The following CSMD3 variants were observed in gnomAD, a reference collection of about 807,000 sequenced individuals.
The protein encoded by CSMD3 is CUB and sushi domain-containing protein 3.
CSMD3 carries 177 observed loss-of-function variants against 435.2 expected under a neutral mutation model. The observed-to-expected ratio is 0.41, with a 90% CI of 0.36 to 0.46. The LOEUF (loss-of-function observed/expected upper bound fraction) is 0.46, where lower values mean the gene tolerates loss of function less well. CSMD3 is among the 20% of genes least tolerant of loss of function. The pLI is 0.34. For missense variants in CSMD3, 4,265 were observed against 4,504.6 expected, an observed-to-expected ratio of 0.95 and a Z score of 1.52; for synonymous variants, 1,656 against 1,520.5, an observed-to-expected ratio of 1.09 and a Z score of -2.07.
chr8:112,727,015 T>G (rs1016370782), intron 13 of CSMD3, among the ~76,000 whole-genome samples: 1 of 151,816 alleles, frequency 6.6e-6, no homozygotes, highest in Admixed American at 6.6e-5. Flanking sequence ...TGACTATGCT[T>G]CTTAAATTTA....
intron 4 of CSMD3, among the ~76,000 whole-genome samples, chr8:113,168,353 T>C (rs1231579824): frequency 1.3e-5 from 2 of 151,518 alleles, no homozygotes. Flanking sequence ...AAACCCTGTC[T>C]CTACTGAAAA....
chr8:112,770,486 C>A (rs1055455459), intron 13 of CSMD3, among the ~76,000 whole-genome samples: 1 of 151,818 alleles, frequency 6.6e-6, no homozygotes, highest in African/African-American at 2.4e-5. Flanking sequence ...AAATACATTT[C>A]TTTTTTTTAA....
intron 4 of CSMD3, among the ~76,000 whole-genome samples, chr8:113,141,646 A>T (rs185642385): frequency 3.4e-4 from 52 of 151,128 alleles, no homozygotes; most frequent in Non-Finnish European, 5.1e-4. Flanking sequence ...TTCATGATTT[A>T]AAAAAACTCA....
chr8:113,117,627 G>C (rs565133787), intron 4 of CSMD3, among the ~76,000 whole-genome samples: 2 of 152,302 alleles, frequency 1.3e-5, no homozygotes, highest in Admixed American at 1.3e-4. Context: ...AGCTTGCACT[G>C]TTCACCTGGA....
chr8:112,732,712 A>AAAAG (rs2077101857), intron 13 of CSMD3, among the ~76,000 whole-genome samples: 1 of 151,628 alleles, frequency 6.6e-6, no homozygotes, highest in East Asian at 1.9e-4. Flanking sequence ...AAAAAAAAAA[A>AAAAG]AAAAGAAAAA....
At chr8:112,732,361 C>T (rs148727899) in intron 13 of CSMD3, among the ~76,000 whole-genome samples, 20 of 152,164 alleles carry the variant, frequency 1.3e-4, no homozygotes, top group African/African-American at 4.8e-4. Context: ...TTAGTGTTCA[C>T]TAACTGATAG....
intron 1 of CSMD3, among the ~76,000 whole-genome samples, chr8:113,428,646 A>G (rs780630898): frequency 2.0e-5 from 3 of 151,894 alleles, no homozygotes; most frequent in Admixed American, 6.6e-5. Flanking sequence ...ATAAAGCATC[A>G]CACATGAAAA....
chr8:113,069,392 T>A (rs1038147354), intron 5 of CSMD3, among the ~76,000 whole-genome samples: 3 of 152,154 alleles, frequency 2.0e-5, no homozygotes, highest in Non-Finnish European at 4.4e-5. Context: ...GTCTGATTAG[T>A]GTTATAGTTA....
chr8:112,465,010 G>C (rs1040062499), intron 32 of CSMD3, among the ~76,000 whole-genome samples: 1 of 152,158 alleles, frequency 6.6e-6, no homozygotes, highest in African/African-American at 2.4e-5. Context: ...CAATAGGCTT[G>C]ACAAATTAGG....
At chr8:112,341,108 A>G (rs144307717) in intron 42 of CSMD3, among the ~76,000 whole-genome samples, 2 of 152,226 alleles carry the variant, frequency 1.3e-5, no homozygotes, top group African/African-American at 4.8e-5. Context: ...ATAATACAAC[A>G]CATGAATAAT....
chr8:113,172,453 G>C (rs184659009), intron 4 of CSMD3, among the ~76,000 whole-genome samples: 64 of 152,286 alleles, frequency 4.2e-4, no homozygotes, highest in Admixed American at 7.9e-4. Flanking sequence ...AGTAGTTGAA[G>C]CATACGCAGC....
intron 6 of CSMD3, among the ~76,000 whole-genome samples, chr8:113,018,262 T>C (rs4876502): frequency 0.6 from 90,662 of 151,692 alleles, 28,543 homozygotes; most frequent in East Asian, 0.95. Flanking sequence ...CAATATATGA[T>C]TTAATGCCAT....
At chr8:112,300,638 T>C (rs1820828435) in intron 53 of CSMD3, among the ~76,000 whole-genome samples, 1 of 152,040 alleles carries the variant, frequency 6.6e-6, no homozygotes, top group African/African-American at 2.4e-5. Flanking sequence ...ACTCCATCCC[T>C]AGCCAGAGCC....
intron 6 of CSMD3, among the ~76,000 whole-genome samples, chr8:113,005,466 C>A (rs554194210): frequency 6.6e-6 from 1 of 151,724 alleles, no homozygotes; most frequent in Non-Finnish European, 1.5e-5. Context: ...AACATTAGTT[C>A]TCATAATTAT....
chr8:112,492,400 T>G lies in CSMD3; in HGVS notation c.5278+89A>C. On this transcript the variant is annotated intron_variant, in intron 31 of 70. Coordinates refer to ENST00000297405, the MANE Select transcript of CSMD3 (RefSeq NM_198123.2). ...CGACACTTGTAGATTGTATGTGGAA[T>G]AGTTGATGTTCTGAAACACAGAAAT... 4 of 953,390 alleles carry G rather than the reference T, an allele frequency of 4.2e-6. No individual in the cohort carries two copies. The South Asian group carries it at 5.3e-5, about 13-fold the overall frequency. The allele number at this position is 953,390 out of a possible 1,614,324, so 59.1% of individuals were successfully genotyped here.
rs920503217 is a variant in CSMD3 at position 112,337,855 on chromosome 8, A to T, written c.6653-124T>A. On this transcript the variant is annotated intron_variant, in intron 42 of 70. Transcript: ENST00000297405. The stretch of plus-strand genomic sequence containing the variant: ...CTACTTGCAGTTGATTATAAATAGC[A>T]ATTCAGGTTTATGATAAATGCTGTC... 2.0e-5 allele frequency: 13 copies of T among 647,948 alleles called. No homozygotes were observed. In the African/African-American group the frequency reaches 2.2e-4, roughly 11 times the overall value. 40.1% of individuals were successfully genotyped at this position (647,948 alleles called of 1,614,324 possible). A position where few individuals can be genotyped will look rare whatever the true frequency, so the allele number is the denominator to read the frequency against.
At chr8:112,338,101 C>T (rs1435724149) in intron 42 of CSMD3, among the ~76,000 whole-genome samples, 1 of 152,142 alleles carries the variant, frequency 6.6e-6, no homozygotes, top group African/African-American at 2.4e-5. Flanking sequence ...TACAAGCACA[C>T]AGAATGCAAT....
chr8:112,244,430 C>G lies in CSMD3; in HGVS notation c.10366G>C (p.Asp3456His), dbSNP rs376197025. 1 of 1,579,946 alleles carries G rather than the reference C, an allele frequency of 6.3e-7. No individual in the cohort carries two copies. Among genetic ancestry groups the G allele is most frequent in the Non-Finnish European group, 8.6e-7 (1 of 1,163,790 alleles). ...GGAACTTTTCCAGTCCAGGTGTTATCGGATCTACACACTCTATGTTCTGTT... is the reference window on the plus strand; with the variant it reads ...GGAACTTTTCCAGTCCAGGTGTTATGGGATCTACACACTCTATGTTCTGTT... ...GGTEHRVCRS[D>H]NTWTGKVPIC... The change falls in exon 65 of 71, where the codon GAT becomes CAT. Residue 3456 changes from aspartate (D) to histidine (H), a missense_variant. By Grantham distance (81) the Asp-to-His change is moderately conservative. Transcript: ENST00000297405.
Position 113,153,377 on chromosome 8 carries a change from C to A in CSMD3, c.709+20345G>T, listed in dbSNP as rs550145155. ...ATTCAATAGATAAAGAGTAATATGC[C>A]AAGATGCATAATTATTATAAGAGGC... On this transcript the variant is annotated intron_variant, in intron 4 of 70. Coordinates refer to ENST00000297405, the MANE Select transcript of CSMD3 (RefSeq NM_198123.2). Among the ~76,000 whole-genome samples the A allele has an allele frequency of 3.9e-5, 6 of 151,948 alleles. No homozygotes were observed. The South Asian group carries it at 1.2e-3, about 32-fold the overall frequency.
Sources: allele counts gnomAD v4.1 joint callset (sites outside exome capture counted in the v4.1 genomes callset), GRCh38; gene constraint gnomAD v4.1.1; transcripts MANE v1.5; gene names NCBI Gene and HGNC (gene_info 2026-07-23, HGNC 2026-07-21).